Variants in GRIA3 observed in about 807,000 individuals in gnomAD.
GRIA3 encodes glutamate ionotropic receptor AMPA type subunit 3.
A neutral mutation model predicts 63.0 loss-of-function variants in GRIA3; 3 were observed. That is an observed-to-expected ratio of 0.05 (90% CI 0.02 to 0.12). The LOEUF is 0.12. Ranked by LOEUF, GRIA3 falls within the 10% of genes least tolerant of loss-of-function variation. The pLI, the probability that GRIA3 is intolerant of heterozygous loss-of-function variation, is 1.00. For synonymous variants in GRIA3, 274 were observed against 257.9 expected (o/e 1.06, Z -0.60); for missense variants, 347 against 700.9 (o/e 0.50, Z 5.70).
At chrX:123,293,358 T>C (rs2044667178) in intron 3 of GRIA3, among the ~76,000 whole-genome samples, 1 of 111,380 alleles carries the variant, frequency 9.0e-6, no homozygotes, top group East Asian at 2.8e-4. Flanking sequence ...AGAAAATATA[T>C]AATAAATCCT....
intron 12 of GRIA3, among the ~76,000 whole-genome samples, chrX:123,433,232 G>A (rs1438355772): frequency 9.0e-6 from 1 of 111,498 alleles, no homozygotes; most frequent in East Asian, 2.8e-4. Context: ...TGTATATAGG[G>A]CATAAAGACA....
chrX:123,246,453 G>A (rs1221858912), intron 2 of GRIA3, among the ~76,000 whole-genome samples: 1 of 111,271 alleles, frequency 9.0e-6, no homozygotes, highest in Admixed American at 9.5e-5. Context: ...TTCTTGGCTT[G>A]TGGCCTCTTT....
At chrX:123,201,872 G>A (rs926964831) in intron 2 of GRIA3, among the ~76,000 whole-genome samples, 2 of 111,574 alleles carry the variant, frequency 1.8e-5, no homozygotes, top group South Asian at 3.8e-4. Flanking sequence ...GTGATGGGTC[G>A]GGGGAGGATT....
At chrX:123,474,745 T>A (rs760805819) in intron 13 of GRIA3, among the ~76,000 whole-genome samples, 37 of 109,867 alleles carry the variant, frequency 3.4e-4, no homozygotes, top group Non-Finnish European at 6.1e-4. Flanking sequence ...GAAAAAAAAA[T>A]CAATGGCATT....
intron 3 of GRIA3, among the ~76,000 whole-genome samples, chrX:123,320,038 G>A (rs944823867): frequency 2.7e-5 from 3 of 111,641 alleles, no homozygotes; most frequent in Non-Finnish European, 5.6e-5. Context: ...TAACTGTAAT[G>A]TGCAACCAGC....
intron 12 of GRIA3, among the ~76,000 whole-genome samples, chrX:123,452,456 A>G (rs2045738352): frequency 9.1e-6 from 1 of 110,183 alleles, no homozygotes; most frequent in Non-Finnish European, 1.9e-5. Flanking sequence ...TTCTCCCCTT[A>G]GTAAGAAAAT....
At chrX:123,458,238 G>A (rs748890650) in intron 12 of GRIA3, among the ~76,000 whole-genome samples, 2 of 108,831 alleles carry the variant, frequency 1.8e-5, no homozygotes, top group African/African-American at 6.7e-5. Context: ...GTGGTGCGGT[G>A]ACAAAAAAAG....
intron 3 of GRIA3, among the ~76,000 whole-genome samples, chrX:123,301,724 T>G (rs760492506): frequency 8.9e-6 from 1 of 111,760 alleles, no homozygotes; most frequent in South Asian, 3.7e-4. Context: ...GCTCACACTT[T>G]CAACTCTTTA....
chrX:123,394,345 C>T lies in GRIA3; in HGVS notation c.751-623C>T, dbSNP rs373587384. 3.2e-3 allele frequency among the ~76,000 whole-genome samples: 356 copies of T among 110,002 alleles called. 2 individuals carry two copies. The highest frequency in any genetic ancestry group is 0.01 in the African/African-American group (312 of 30,180). Reference sequence around the variant, plus strand: ...TCACACCACTGCACTCCAGCCTGGGCGACACAGCGAGACTCTGCACTCCAG... The same window carrying T: ...TCACACCACTGCACTCCAGCCTGGGTGACACAGCGAGACTCTGCACTCCAG... On this transcript the variant is annotated intron_variant, in intron 5 of 15. Coordinates refer to ENST00000620443, the MANE Select transcript of GRIA3 (RefSeq NM_007325.5).
chrX:123,305,495 C>T (rs956534452), intron 3 of GRIA3, among the ~76,000 whole-genome samples: 1 of 112,383 alleles, frequency 8.9e-6, no homozygotes, highest in Admixed American at 9.4e-5. Flanking sequence ...AACATTGAGA[C>T]TTTGGAAGAC....
At chrX:123,423,812 T>C (rs1035972842) in intron 11 of GRIA3, among the ~76,000 whole-genome samples, 3 of 112,276 alleles carry the variant, frequency 2.7e-5, no homozygotes, top group Non-Finnish European at 5.6e-5. Flanking sequence ...ATGAAGGTTA[T>C]AGCACATAGC....
intron 11 of GRIA3, chrX:123,417,986 A>G (rs975264610): frequency 1.1e-5 from 5 of 446,178 alleles, no homozygotes; most frequent in South Asian, 3.6e-5. Flanking sequence ...ATGCATTTCT[A>G]TGGTATTGTA....
At chrX:123,371,276 T>C (rs1163712007) in intron 5 of GRIA3, among the ~76,000 whole-genome samples, 2 of 110,266 alleles carry the variant, frequency 1.8e-5, no homozygotes, top group Admixed American at 2.0e-4. Context: ...TCTTTATCCA[T>C]TCATCTGCTT....
intron 3 of GRIA3, among the ~76,000 whole-genome samples, chrX:123,274,257 G>T (rs1603061973): frequency 8.9e-6 from 1 of 112,230 alleles, no homozygotes; most frequent in Admixed American, 9.4e-5. Context: ...TTATTTGCTA[G>T]ATCTGGTAAC....
intron 12 of GRIA3, among the ~76,000 whole-genome samples, chrX:123,453,682 C>T (rs2045747016): frequency 9.0e-6 from 1 of 111,068 alleles, no homozygotes; most frequent in African/African-American, 3.3e-5. Flanking sequence ...AATGTGTCCA[C>T]CATTAGGCTA....
intron 11 of GRIA3, among the ~76,000 whole-genome samples, chrX:123,422,767 A>G (rs1403335390): frequency 1.8e-5 from 2 of 112,473 alleles, no homozygotes; most frequent in Non-Finnish European, 3.8e-5. Context: ...CTAGTTTCAC[A>G]AATACTAACA....
chrX:123,246,536 G>C (rs2147278704), intron 2 of GRIA3, among the ~76,000 whole-genome samples: 1 of 111,519 alleles, frequency 9.0e-6, no homozygotes, highest in Non-Finnish European at 1.9e-5. Context: ...CTCTCATTTT[G>C]CCTCTGTCTT....
chrX:123,369,120 T>C (rs939373582), intron 5 of GRIA3, among the ~76,000 whole-genome samples: 1 of 111,885 alleles, frequency 8.9e-6, no homozygotes, highest in Non-Finnish European at 1.9e-5. Flanking sequence ...CCCCTTTTAC[T>C]TACTGTATGT....
At chrX:123,361,930 T>G (rs970312803) in intron 5 of GRIA3, among the ~76,000 whole-genome samples, 1 of 111,241 alleles carries the variant, frequency 9.0e-6, no homozygotes, top group Non-Finnish European at 1.9e-5. Flanking sequence ...ATAAGCAAAA[T>G]AAGATATATA....
Sources: allele counts gnomAD v4.1 joint callset (sites outside exome capture counted in the v4.1 genomes callset), GRCh38; gene constraint gnomAD v4.1.1; transcripts MANE v1.5; gene names NCBI Gene and HGNC (gene_info 2026-07-23, HGNC 2026-07-21).